FAM222B: variants seen among roughly 807,000 people sequenced by gnomAD.
FAM222B encodes the protein family with sequence similarity 222 member B.
In FAM222B, 12 loss-of-function variants were observed where a neutral mutation model predicts 38.0. The ratio of observed to expected loss-of-function variants is 0.32; its 90% CI spans 0.20 to 0.51. The LOEUF (loss-of-function observed/expected upper bound fraction) is 0.51, where lower values mean the gene tolerates loss of function less well. Ranked by LOEUF, FAM222B falls within the 20% of genes least tolerant of loss-of-function variation. FAM222B has a pLI of 0.97. For synonymous variants in FAM222B, 329 were observed against 317.2 expected (o/e 1.04, Z -0.40); for missense variants, 716 against 754.2 (o/e 0.95, Z 0.59).
chr17:28,807,703 C>T (rs568622659), intron 1 of FAM222B, among the ~76,000 whole-genome samples: 1 of 152,248 alleles, frequency 6.6e-6, no homozygotes, highest in South Asian at 2.1e-4. Context: ...TTGTCTTAAC[C>T]TTTTGTGAGA....
chr17:28,799,131 T>G (rs1197394626), intron 1 of FAM222B, among the ~76,000 whole-genome samples: 1 of 135,244 alleles, frequency 7.4e-6, no homozygotes, highest in Non-Finnish European at 1.6e-5. Context: ...CACACCACCA[T>G]GCCCAGCTAA....
intron 1 of FAM222B, among the ~76,000 whole-genome samples, chr17:28,805,001 A>T (rs573078886): frequency 1.8e-4 from 28 of 151,916 alleles, no homozygotes; most frequent in African/African-American, 6.3e-4. Context: ...AGCCGAGATC[A>T]CGCCACTGCA....
intron 1 of FAM222B, chr17:28,834,821 A>T (rs972985111): frequency 6.7e-6 from 1 of 149,744 alleles, no homozygotes; most frequent in Non-Finnish European, 1.5e-5. Flanking sequence ...GGCTAGCCTT[A>T]AAAAAAAAGA....
At chr17:28,776,331 A>G (rs1467974821) in intron 1 of FAM222B, among the ~76,000 whole-genome samples, 2 of 138,826 alleles carry the variant, frequency 1.4e-5, no homozygotes, top group Non-Finnish European at 3.0e-5. Context: ...AGGCGAGATC[A>G]CGCCACTGCA....
intron 2 of FAM222B, among the ~76,000 whole-genome samples, chr17:28,765,141 TAC>T (rs1415320727): frequency 6.6e-6 from 1 of 152,224 alleles, no homozygotes; most frequent in Non-Finnish European, 1.5e-5. Context: ...CAGCTGTTAT[TAC>T]ATAGAGCTGG....
intron 1 of FAM222B, among the ~76,000 whole-genome samples, chr17:28,796,672 A>G (rs2036952323): frequency 3.3e-5 from 5 of 151,894 alleles, no homozygotes; most frequent in Admixed American, 3.3e-4. Context: ...GAAAAATCTT[A>G]TTTTTCAACA....
chr17:28,829,388 C>G (rs1471270392), intron 1 of FAM222B, among the ~76,000 whole-genome samples: 1 of 150,948 alleles, frequency 6.6e-6, no homozygotes, highest in Admixed American at 6.6e-5. Flanking sequence ...TCAGGCTGGT[C>G]TCAAACTCCC....
rs79987447 is a variant in FAM222B, at chr17:28,812,869, A to G, written c.-41+29813T>C. ...CAATTGCCACCTGGAGACACTCGAC[A>G]GTAAAAAGATGCTCCCCAAGCCTCT... On this transcript the variant is annotated intron_variant, in intron 1 of 2. Coordinates refer to ENST00000581407, the MANE Select transcript of FAM222B (RefSeq NM_001077498.3). 6.1e-4 allele frequency among the ~76,000 whole-genome samples: 93 copies of G among 151,476 alleles called. No homozygotes were observed. The East Asian group carries it at 0.016, about 26-fold the overall frequency.
chr17:28,846,539 C>T (rs929777177), upstream of FAM222B, among the ~76,000 whole-genome samples: 2 of 151,718 alleles, frequency 1.3e-5, no homozygotes, highest in African/African-American at 2.4e-5. Context: ...TGTGGTGGCC[C>T]GCATCTGTAG....
intron 1 of FAM222B, among the ~76,000 whole-genome samples, chr17:28,836,964 A>G (rs1220223687): frequency 6.6e-6 from 1 of 152,050 alleles, no homozygotes; most frequent in East Asian, 1.9e-4. Context: ...CTAAAAGTAC[A>G]AAAATTAGCC....
At chr17:28,848,431 C>T (rs2039159904) in intron 1 of FAM222B, among the ~76,000 whole-genome samples, 1 of 151,974 alleles carries the variant, frequency 6.6e-6, no homozygotes, top group Non-Finnish European at 1.5e-5. Flanking sequence ...TAATGATTGG[C>T]AGGGGAAAAA....
upstream of FAM222B, among the ~76,000 whole-genome samples, chr17:28,847,730 TG>T (rs1408231316): frequency 1.3e-5 from 2 of 151,724 alleles, no homozygotes; most frequent in African/African-American, 4.8e-5. Flanking sequence ...CTGGCTAACA[TG>T]GTGAAACCCC....
chr17:28,841,497 C>T (rs2039037282), intron 1 of FAM222B, among the ~76,000 whole-genome samples: 1 of 152,094 alleles, frequency 6.6e-6, no homozygotes, highest in Non-Finnish European at 1.5e-5. Flanking sequence ...GCCTCAGCTT[C>T]CCAAGCAGCT....
intron 1 of FAM222B, among the ~76,000 whole-genome samples, chr17:28,811,460 A>G (rs774080739): frequency 1.3e-5 from 2 of 152,108 alleles, no homozygotes; most frequent in Non-Finnish European, 2.9e-5. Flanking sequence ...ACAAAAACAA[A>G]AAAACCCCCA....
intron 1 of FAM222B, among the ~76,000 whole-genome samples, chr17:28,803,707 C>T (rs2037344171): frequency 1.3e-5 from 2 of 151,772 alleles, no homozygotes; most frequent in South Asian, 4.2e-4. Context: ...CAGCCAGGTG[C>T]GGTGGCTCAC....
At chr17:28,792,353 T>C (rs1027400219) in intron 1 of FAM222B, among the ~76,000 whole-genome samples, 1 of 148,792 alleles carries the variant, frequency 6.7e-6, no homozygotes, top group Non-Finnish European at 1.5e-5. Context: ...TGGTGGTGTG[T>C]GCCTGCAGTC....
chr17:28,778,228 GTCCTAATGCTCTCCC>G (rs1190720356), intron 1 of FAM222B, among the ~76,000 whole-genome samples: 1 of 151,762 alleles, frequency 6.6e-6, no homozygotes, highest in Non-Finnish European at 1.5e-5. Context: ...ATTAGTATTT[GTCCTAATGCTCTCCC>G]TCCCCTTACC....
At chr17:28,792,637 C>G (rs950245245) in intron 1 of FAM222B, among the ~76,000 whole-genome samples, 1 of 151,940 alleles carries the variant, frequency 6.6e-6, no homozygotes, top group Non-Finnish European at 1.5e-5. Flanking sequence ...AAAAATTAGC[C>G]AGGTGTGGTG....
At chr17:28,816,443 C>G (rs543910330) in intron 1 of FAM222B, among the ~76,000 whole-genome samples, 14 of 151,852 alleles carry the variant, frequency 9.2e-5, no homozygotes, top group African/African-American at 3.1e-4. Context: ...GATCAATAGG[C>G]TAGACTAAAA....
Sources: gnomAD v4.1 joint callset for allele counts (sites outside exome capture counted in the v4.1 genomes callset) on GRCh38, gnomAD v4.1.1 for gene constraint, MANE v1.5 for transcripts, NCBI Gene and HGNC (gene_info 2026-07-23, HGNC 2026-07-21) for gene names.